Variants in PPT2 observed in about 807,000 individuals in gnomAD.
PPT2 encodes palmitoyl-protein thioesterase 2.
In PPT2, 20 loss-of-function variants were observed where a neutral mutation model predicts 37.3. The ratio of observed to expected loss-of-function variants is 0.54; its 90% CI spans 0.38 to 0.78. The LOEUF (loss-of-function observed/expected upper bound fraction) is 0.78, where lower values mean the gene tolerates loss of function less well. PPT2 is among the 30% of genes least tolerant of loss of function. The probability of loss-of-function intolerance (pLI) is 0.00; values close to 1 mark genes in which losing one functional copy is unlikely to be tolerated. For synonymous variants in PPT2, 135 were observed against 159.1 expected, an observed-to-expected ratio of 0.85 and a Z score of 1.14; for missense variants, 270 against 389.8, an observed-to-expected ratio of 0.69 and a Z score of 2.59.
chr6:32,153,928 C>T, upstream of PPT2: 1 of 1,370,744 alleles, frequency 7.3e-7, no homozygotes, highest in Non-Finnish European at 9.5e-7. This position sits in a 1 kb window ranked among gnomAD's most constrained non-coding sequence, Gnocchi z 4.4. Flanking sequence ...CTTTCCATTC[C>T]CAGAATATGT....
chr6:32,162,955 A>G lies in PPT2; in HGVS notation c.*5A>G. The G allele has an allele frequency of 2.5e-6, 4 of 1,609,992 alleles. No homozygotes were observed. The highest frequency in any genetic ancestry group is 2.5e-6 in the Non-Finnish European group (3 of 1,178,454). ...ATTGAACCTTGGCTCTCCTGAGGAT[A>G]TATTCAGGGGTCCCCAGGAACTCCT... On this transcript the variant is annotated 3_prime_UTR_variant, in exon 9 of 9. Transcript: ENST00000324816. This position sits in a 1 kb window ranked among gnomAD's most constrained non-coding sequence, Gnocchi z 5.5.
At chr6:32,161,852 G>C (rs1182787096) in intron 7 of PPT2, among the ~76,000 whole-genome samples, 17 of 152,074 alleles carry the variant, frequency 1.1e-4, no homozygotes, top group Non-Finnish European at 2.1e-4. Flanking sequence ...CCAAAGTGCT[G>C]GGATTACAGG....
chr6:32,162,458 G>A lies in PPT2; in HGVS notation c.711-110G>A. 9.1e-7 allele frequency: 1 copy of A among 1,095,374 alleles called. No individual in the cohort carries two copies. 67.9% of individuals were successfully genotyped at this position (1,095,374 alleles called of 1,614,324 possible). A position where few individuals can be genotyped will look rare whatever the true frequency, so the allele number is the denominator to read the frequency against. ...TGGTCTTGAACTCCTGGCCTCAGGT[G>A]ATTTGCCCTCCTTGGCCTCCCAAAG... On this transcript the variant is annotated intron_variant, in intron 7 of 8. Transcript: ENST00000324816. This position sits in a 1 kb window ranked among gnomAD's most constrained non-coding sequence, Gnocchi z 5.5.
At position 32,162,491 on chromosome 6, in the gene PPT2, A is replaced by G. The variant is rs970997807; in HGVS notation, c.711-77A>G. 2.0e-5 allele frequency: 29 copies of G among 1,439,662 alleles called. No homozygotes were observed. Among genetic ancestry groups the G allele is most frequent in the Non-Finnish European group, 2.6e-5 (27 of 1,023,380 alleles). The allele number at this position is 1,439,662 out of a possible 1,614,324, so 89.2% of individuals were successfully genotyped here. Reference sequence around the variant, plus strand: ...CTCCTTGGCCTCCCAAAGTGCTGCAATTACAGGCGTGTGCCACTGCGCCCG... The same window carrying G: ...CTCCTTGGCCTCCCAAAGTGCTGCAGTTACAGGCGTGTGCCACTGCGCCCG... On this transcript the variant is annotated intron_variant, in intron 7 of 8. Coordinates refer to ENST00000324816, the MANE Select transcript of PPT2 (RefSeq NM_005155.7). This position sits in a 1 kb window ranked among gnomAD's most constrained non-coding sequence, Gnocchi z 5.5.
In PPT2 at chr6:32,155,882, T is replaced by C. The variant is rs1783763326; in HGVS notation, c.445T>C (p.Leu149=). 1 of 1,613,930 alleles carries C rather than the reference T, an allele frequency of 6.2e-7. No homozygotes were observed. ...CATTCGCTTGCCAGACACGGACTAC[T>C]TGAAGTGGCTGTTCCCCACCTCCAT... is the stretch of plus-strand genomic sequence containing the variant. ...QMGQYGDTDY[L]KWLFPTSMRS... The change falls in exon 5 of 9, where the codon TTG becomes CTG. Residue 149 remains leucine (L), a synonymous_variant. Coordinates refer to ENST00000324816, the MANE Select transcript of PPT2 (RefSeq NM_005155.7). The surrounding 1 kb of genome is among the most constrained non-coding windows in gnomAD (Gnocchi z 4.3).
At position 32,155,617 on chromosome 6, in the gene PPT2, T is replaced by TGG. The variant is rs1561813730; in HGVS notation, c.338-70_338-69dup. Reference sequence around the variant, plus strand: ...GTGTGTGTGTGTGTGTGTGTGTGTGTGGTGGGGGTGGGGGGTGCTGCTGGC... The same window carrying TGG: ...GTGTGTGTGTGTGTGTGTGTGTGTGTGGGGTGGGGGTGGGGGGTGCTGCTGGC... On this transcript the variant is annotated intron_variant, in intron 3 of 8. Coordinates refer to ENST00000324816, the MANE Select transcript of PPT2 (RefSeq NM_005155.7). This position sits in a 1 kb window ranked among gnomAD's most constrained non-coding sequence, Gnocchi z 4.3. The TGG allele has an allele frequency of 3.5e-6, 3 of 868,334 alleles. No homozygotes were observed. The highest frequency in any genetic ancestry group is 3.7e-6 in the Non-Finnish European group (2 of 544,150). The allele number at this position is 868,334 out of a possible 1,614,324, so 53.8% of individuals were successfully genotyped here. A position where few individuals can be genotyped will look rare whatever the true frequency, so the allele number is the denominator to read the frequency against.
In PPT2 at chr6:32,155,909, C is replaced by T. The variant is rs766967673; in HGVS notation, c.472C>T (p.Arg158Trp). 15 of 1,614,030 alleles carry T rather than the reference C, an allele frequency of 9.3e-6. No homozygotes were observed. Among genetic ancestry groups the T allele is most frequent in the Admixed American group, 6.7e-5 (4 of 59,994 alleles). Residue 158 changes from arginine (R) to tryptophan (W), a missense_variant, in exon 5 of 9, where the codon CGG becomes TGG. Arg to Trp is a moderately radical substitution (Grantham distance 101). Transcript: ENST00000324816. This position sits in a 1 kb window ranked among gnomAD's most constrained non-coding sequence, Gnocchi z 4.3. Reference protein sequence around the residue: ...YLKWLFPTSMRSNLYRICYSP... With the variant: ...YLKWLFPTSMWSNLYRICYSP... ...GAAGTGGCTGTTCCCCACCTCCATG[C>T]GGTCTAACCTCTATCGGATCTGCTA... is the stretch of plus-strand genomic sequence containing the variant.
chr6:32,154,774 T>G lies in PPT2; in HGVS notation c.180T>G (p.Asn60Lys). The G allele has an allele frequency of 2.5e-6, 4 of 1,612,020 alleles. No individual in the cohort carries two copies. Among genetic ancestry groups the G allele is most frequent in the Non-Finnish European group, 3.4e-6 (4 of 1,179,080 alleles). The part of the protein sequence containing the change: ...YSFRHLLEYI[N>K]ETHPGTVVTV... ...TCCGCCACCTGCTGGAATACATCAA[T>G]GAGGTCTGGCAGGGGACACCTGGGT... The change falls in exon 2 of 9, where the codon AAT becomes AAG. Residue 60 changes from asparagine to lysine, a missense_variant. Transcript: ENST00000324816. The surrounding 1 kb of genome is among the most constrained non-coding windows in gnomAD (Gnocchi z 7.3).
intron 6 of PPT2, 30 bp from the exon 7 acceptor site, chr6:32,157,810 G>A (rs1242248122): frequency 6.2e-7 from 1 of 1,602,024 alleles, no homozygotes; most frequent in Admixed American, 1.7e-5. Flanking sequence ...CCCTGTGGCT[G>A]ACTCAGCCTC....
chr6:32,154,067 G>A, upstream of PPT2: 1 of 1,099,370 alleles, frequency 9.1e-7, no homozygotes, highest in Non-Finnish European at 1.1e-6. This position sits in a 1 kb window ranked among gnomAD's most constrained non-coding sequence, Gnocchi z 7.3. Flanking sequence ...GAACGCTCGC[G>A]CGGTTGCCAG....
chr6:32,159,447 A>AAAAAAAAAAAAAG (rs1783999479), intron 7 of PPT2, among the ~76,000 whole-genome samples: 1 of 127,266 alleles, frequency 7.9e-6, no homozygotes, highest in African/African-American at 3.1e-5. Flanking sequence ...AAAAAAAAAA[A>AAAAAAAAAAAAAG]AAAAATATAT....
In PPT2 at chr6:32,162,302, C is replaced by T. The variant is rs1784216047; in HGVS notation, c.711-266C>T. Among the ~76,000 whole-genome samples, 1 of 152,208 alleles carries T rather than the reference C, an allele frequency of 6.6e-6. No individual in the cohort carries two copies. The highest frequency in any genetic ancestry group is 2.1e-4 in the South Asian group (1 of 4,836). On this transcript the variant is annotated intron_variant, in intron 7 of 8. Transcript: ENST00000324816. The surrounding 1 kb of genome is among the most constrained non-coding windows in gnomAD (Gnocchi z 5.5). ...TGGTGCGATCTCGACTCAATGCAACCTCCACCTCCCGGGTTCAAGTAATTA... is the reference window on the plus strand; with the variant it reads ...TGGTGCGATCTCGACTCAATGCAACTTCCACCTCCCGGGTTCAAGTAATTA...
intron 7 of PPT2, among the ~76,000 whole-genome samples, chr6:32,159,652 C>T (rs1240777856): frequency 6.6e-6 from 1 of 151,072 alleles, no homozygotes; most frequent in East Asian, 1.9e-4. Context: ...TCACATCTAC[C>T]ACAACCCTAT....
Position 32,154,722 on chromosome 6 carries a change from A to C in PPT2, c.128A>C (p.His43Pro). Residue 43 changes from histidine to proline, a missense_variant, in exon 2 of 9, where the codon CAT becomes CCT. By Grantham distance (77) the His-to-Pro change is moderately conservative. Transcript: ENST00000324816. The surrounding 1 kb of genome is among the most constrained non-coding windows in gnomAD (Gnocchi z 7.3). Reference protein sequence around the residue: ...RASYKPVIVVHGLFDSSYSFR... With the variant: ...RASYKPVIVVPGLFDSSYSFR... ...TCCTACAAGCCGGTCATCGTGGTGC[A>C]TGGGCTCTTCGACAGCTCGTACAGC... 2 of 1,613,162 alleles carry C rather than the reference A, an allele frequency of 1.2e-6. No homozygotes were observed. The highest frequency in any genetic ancestry group is 1.7e-6 in the Non-Finnish European group (2 of 1,180,002).
rs1783642534 is a variant in PPT2 at position 32,154,842 on chromosome 6, G to C, written c.183+65G>C. 1 of 1,560,644 alleles carries C rather than the reference G, an allele frequency of 6.4e-7. No homozygotes were observed. Among genetic ancestry groups the C allele is most frequent in the Non-Finnish European group, 8.7e-7 (1 of 1,147,968 alleles). The stretch of plus-strand genomic sequence containing the variant: ...TCTACTGTGGCAGGGGAGGGAGAGC[G>C]GGGAACTGAAAGCCACCCCTCTGGG... On this transcript the variant is annotated intron_variant, in intron 2 of 8. Transcript: ENST00000324816. The surrounding 1 kb of genome is among the most constrained non-coding windows in gnomAD (Gnocchi z 7.3).
At position 32,156,350 on chromosome 6, in the gene PPT2, C is replaced by T. The variant is rs1281718271; in HGVS notation, c.541+372C>T. On this transcript the variant is annotated intron_variant, in intron 5 of 8. Coordinates refer to ENST00000324816, the MANE Select transcript of PPT2 (RefSeq NM_005155.7). This position sits in a 1 kb window ranked among gnomAD's most constrained non-coding sequence, Gnocchi z 4.9. ...CGAACTCCTGACCTCAGGTGATCCA[C>T]TCGCCTCGGCCTCCCAAAGTGCTGG... is the stretch of plus-strand genomic sequence containing the variant. Among the ~76,000 whole-genome samples the T allele has an allele frequency of 1.3e-5, 2 of 152,308 alleles. No individual in the cohort carries two copies. Among genetic ancestry groups the T allele is most frequent in the East Asian group, 3.9e-4 (2 of 5,182 alleles).
In PPT2 at chr6:32,155,045, G is replaced by A; in HGVS notation, c.199G>A (p.Val67Met). Reference sequence around the variant, plus strand: ...CTTCCCACAGACACACCCCGGGACTGTGGTGACAGTGCTCGATCTCTTCGA... The same window carrying A: ...CTTCCCACAGACACACCCCGGGACTATGGTGACAGTGCTCGATCTCTTCGA... ...EYINETHPGT[V>M]VTVLDLFDGR... The change falls in exon 3 of 9, where the codon GTG becomes ATG. Residue 67 changes from valine (V) to methionine (M), a missense_variant. Coordinates refer to ENST00000324816, the MANE Select transcript of PPT2 (RefSeq NM_005155.7). This position sits in a 1 kb window ranked among gnomAD's most constrained non-coding sequence, Gnocchi z 4.3. The A allele has an allele frequency of 6.2e-7, 1 of 1,613,068 alleles. No homozygotes were observed. Among genetic ancestry groups the A allele is most frequent in the Non-Finnish European group, 8.5e-7 (1 of 1,180,016 alleles).
chr6:32,161,225 T>C (rs1784134848), intron 7 of PPT2, among the ~76,000 whole-genome samples: 1 of 152,168 alleles, frequency 6.6e-6, no homozygotes, highest in Admixed American at 6.6e-5. Flanking sequence ...GAAAAAAATA[T>C]ACAGTGGAAG....
Position 32,154,773 on chromosome 6 carries a change from A to G in PPT2, c.179A>G (p.Asn60Ser), listed in dbSNP as rs143386727. 968 of 1,611,906 alleles carry G rather than the reference A, an allele frequency of 6.0e-4. 8 individuals are homozygous for G. Among genetic ancestry groups the G allele is most frequent in the Non-Finnish European group, 5.3e-5 (63 of 1,179,048 alleles). The change falls in exon 2 of 9, where the codon AAT becomes AGT. Residue 60 changes from asparagine to serine, a missense_variant. Physicochemically the swap from Asn to Ser is conservative, Grantham distance 46 (BLOSUM62 1). Transcript: ENST00000324816. The surrounding 1 kb of genome is among the most constrained non-coding windows in gnomAD (Gnocchi z 7.3). ...TTCCGCCACCTGCTGGAATACATCA[A>G]TGAGGTCTGGCAGGGGACACCTGGG... ...YSFRHLLEYINETHPGTVVTV... is the reference protein window; with the variant it reads ...YSFRHLLEYISETHPGTVVTV...
Sources: gnomAD v4.1 joint callset for allele counts (sites outside exome capture counted in the v4.1 genomes callset) on GRCh38, gnomAD v4.1.1 for gene constraint, Gnocchi (gnomAD v3.1) non-coding constraint, MANE v1.5 for transcripts, NCBI Gene and HGNC (gene_info 2026-07-23, HGNC 2026-07-21) for gene names.